Variants in GLCE observed in about 807,000 individuals in gnomAD.
GLCE encodes the protein D-glucuronyl C5-epimerase.
A neutral mutation model predicts 47.9 loss-of-function variants in GLCE; 19 were observed. The observed-to-expected ratio is 0.40, with a 90% CI of 0.28 to 0.58. The LOEUF (loss-of-function observed/expected upper bound fraction) is 0.58, where lower values mean the gene tolerates loss of function less well. Ranked by LOEUF, GLCE falls within the 20% of genes least tolerant of loss-of-function variation. GLCE has a pLI of 0.48. For synonymous variants in GLCE, 245 were observed against 263.4 expected, an observed-to-expected ratio of 0.93 and a Z score of 0.68; for missense variants, 556 against 743.3, an observed-to-expected ratio of 0.75 and a Z score of 2.93.
rs770757905 is a variant in GLCE, at chr15:69,268,672, C to A, written c.1282C>A (p.Arg428Ser). The change falls in exon 5 of 5, where the codon CGT becomes AGT. Residue 428 changes from arginine (R) to serine (S), a missense_variant. By Grantham distance (110) the Arg-to-Ser change is moderately radical. This residue lies in a region of GLCE where 245 missense variants were observed against 368.1 expected (regional missense o/e 0.67). Transcript: ENST00000261858. ...EKGGWPIMVT[R>S]KLGEGFKSLE... ...AGGTGGCTGGCCAATTATGGTGACCCGTAAGTTAGGGGAAGGGTTCAAGTC... is the reference window on the plus strand; with the variant it reads ...AGGTGGCTGGCCAATTATGGTGACCAGTAAGTTAGGGGAAGGGTTCAAGTC... The A allele has an allele frequency of 1.9e-6, 3 of 1,614,092 alleles. No homozygotes were observed. Among genetic ancestry groups the A allele is most frequent in the Non-Finnish European group, 2.5e-6 (3 of 1,179,980 alleles).
rs747762787 is a variant in GLCE at position 69,256,308 on chromosome 15, T to C, written c.502T>C (p.Tyr168His). The C allele has an allele frequency of 6.2e-7, 1 of 1,614,056 alleles. No individual in the cohort carries two copies. The highest frequency in any genetic ancestry group is 1.1e-5 in the South Asian group (1 of 91,076). The change falls in exon 3 of 5, where the codon TAT becomes CAT. Residue 168 changes from tyrosine to histidine, a missense_variant. Physicochemically the swap from Tyr to His is moderately conservative, Grantham distance 83. Around this residue, in one of 3 missense-constraint regions of GLCE, gnomAD observed 237 missense variants for 310.9 expected, o/e 0.76. Transcript: ENST00000261858. ...CAAAGTCTATGCACAGAGAGCCCCC[T>C]ATCACCCCGATGGTGTGTTTATGTC... The part of the protein sequence containing the change: ...YSKVYAQRAP[Y>H]HPDGVFMSFE...
Position 69,256,096 on chromosome 15 carries a change from G to T in GLCE, c.290G>T (p.Ser97Ile). Residue 97 changes from serine to isoleucine, a missense_variant, in exon 3 of 5, where the codon AGT becomes ATT. Transcript: ENST00000261858. ...VVGGFNSNVG[S>I]KVLGLKYEEI... ...GGGGGCTTCAATAGCAATGTGGGAA[G>T]TAAGGTGTTAGGGCTCAAATATGAA... 6.2e-7 allele frequency: 1 copy of T among 1,614,152 alleles called. No homozygotes were observed. Among genetic ancestry groups the T allele is most frequent in the Non-Finnish European group, 8.5e-7 (1 of 1,180,030 alleles).
At chr15:69,211,481 G>A (rs1023554117) in intron 2 of GLCE, among the ~76,000 whole-genome samples, 5 of 151,710 alleles carry the variant, frequency 3.3e-5, no homozygotes, top group Admixed American at 6.6e-5. Flanking sequence ...TTGGAGTTAC[G>A]TTTCTCTCTG....
At chr15:69,184,560 T>G (rs1304493429) in intron 1 of GLCE, among the ~76,000 whole-genome samples, 1 of 152,258 alleles carries the variant, frequency 6.6e-6, no homozygotes, top group Non-Finnish European at 1.5e-5. Flanking sequence ...GCTACATGTA[T>G]TATATCACTA....
At chr15:69,165,014 T>G (rs1381217782) in intron 1 of GLCE, among the ~76,000 whole-genome samples, 5 of 152,200 alleles carry the variant, frequency 3.3e-5, no homozygotes, top group Admixed American at 3.3e-4. Flanking sequence ...CTTTTCTTGT[T>G]TCTTTTCTCT....
At chr15:69,193,718 C>A (rs768218056) in intron 1 of GLCE, among the ~76,000 whole-genome samples, 2 of 151,964 alleles carry the variant, frequency 1.3e-5, no homozygotes, top group Non-Finnish European at 2.9e-5. Context: ...CAATCCTGTG[C>A]TTGTACTACC....
At chr15:69,221,862 CAAAAAAAAAAA>C (rs35986310) in intron 2 of GLCE, among the ~76,000 whole-genome samples, 1 of 87,422 alleles carries the variant, frequency 1.1e-5, no homozygotes, top group Non-Finnish European at 2.4e-5. Context: ...GACGCTGTCT[CAAAAAAAAAAA>C]AAAAAAAAAA....
intron 1 of GLCE, among the ~76,000 whole-genome samples, chr15:69,168,902 A>G (rs538453846): frequency 2.2e-4 from 34 of 152,336 alleles, no homozygotes; most frequent in African/African-American, 7.0e-4. Flanking sequence ...TACACAAATC[A>G]TAAGTATACA....
At chr15:69,258,426 G>A (rs978824904) in intron 3 of GLCE, among the ~76,000 whole-genome samples, 1 of 152,024 alleles carries the variant, frequency 6.6e-6, no homozygotes, top group Non-Finnish European at 1.5e-5. Flanking sequence ...TACTTAACAT[G>A]TTTCAACTAT....
intron 1 of GLCE, among the ~76,000 whole-genome samples, chr15:69,170,575 T>C (rs1384578366): frequency 6.6e-6 from 1 of 152,222 alleles, no homozygotes; most frequent in Admixed American, 6.5e-5. Flanking sequence ...TGTGCATGCA[T>C]GTGTGTAATG....
chr15:69,241,656 C>A (rs780319314), intron 2 of GLCE, among the ~76,000 whole-genome samples: 1 of 152,166 alleles, frequency 6.6e-6, no homozygotes, highest in Non-Finnish European at 1.5e-5. Flanking sequence ...TGGTATATTA[C>A]AGTGGTTCTC....
chr15:69,249,581 G>A (rs191923312), intron 2 of GLCE, among the ~76,000 whole-genome samples: 1 of 152,104 alleles, frequency 6.6e-6, no homozygotes, highest in Non-Finnish European at 1.5e-5. Context: ...AAATAGATGT[G>A]TAAGTAGATA....
intron 1 of GLCE, among the ~76,000 whole-genome samples, chr15:69,170,137 C>G (rs1454307633): frequency 6.6e-5 from 10 of 151,848 alleles, no homozygotes; most frequent in Non-Finnish European, 1.3e-4. Context: ...AATTTATATG[C>G]CAATATGAAA....
At chr15:69,167,049 C>G (rs982826590) in intron 1 of GLCE, among the ~76,000 whole-genome samples, 7 of 151,592 alleles carry the variant, frequency 4.6e-5, no homozygotes, top group African/African-American at 1.7e-4. Context: ...AACCCCGTCT[C>G]TACTAAAAAT....
intron 1 of GLCE, among the ~76,000 whole-genome samples, chr15:69,164,499 T>C (rs116638663): frequency 0.012 from 1,738 of 150,284 alleles, 27 homozygotes; most frequent in African/African-American, 0.038. Context: ...TATACATATA[T>C]GACATGTGTA....
intron 1 of GLCE, among the ~76,000 whole-genome samples, chr15:69,209,773 C>T (rs1280550650): frequency 5.3e-5 from 8 of 152,124 alleles, no homozygotes; most frequent in Non-Finnish European, 8.8e-5. Flanking sequence ...CTCCCTGCAG[C>T]TGTGCCCATA....
chr15:69,259,572 T>C (rs922981229), intron 3 of GLCE, among the ~76,000 whole-genome samples: 3 of 152,238 alleles, frequency 2.0e-5, no homozygotes, highest in Non-Finnish European at 4.4e-5. Flanking sequence ...TTCCCCAATA[T>C]GTATTGAATC....
At chr15:69,202,050 A>T (rs2052083024) in intron 1 of GLCE, among the ~76,000 whole-genome samples, 1 of 151,854 alleles carries the variant, frequency 6.6e-6, no homozygotes, top group Non-Finnish European at 1.5e-5. Context: ...CTCCCAACGA[A>T]CTGGGACTAT....
intron 1 of GLCE, among the ~76,000 whole-genome samples, chr15:69,177,250 G>T (rs1053991793): frequency 2.0e-5 from 3 of 148,796 alleles, no homozygotes; most frequent in African/African-American, 7.4e-5. Context: ...TTTTAGTAGA[G>T]ACAGAGTTTT....
Sources: gnomAD v4.1 joint callset for allele counts (sites outside exome capture counted in the v4.1 genomes callset) on GRCh38, gnomAD v4.1.1 for gene constraint, gnomAD v4.1.1 regional missense constraint, MANE v1.5 for transcripts, NCBI Gene and HGNC (gene_info 2026-07-23, HGNC 2026-07-21) for gene names.